SHC4: variants seen among roughly 807,000 people sequenced by gnomAD.
The protein encoded by SHC4 is SHC-transforming protein 4.
Under a neutral mutation model 69.4 loss-of-function variants are expected in SHC4, and 41 were observed. The ratio of observed to expected loss-of-function variants is 0.59; its 90% confidence interval spans 0.46 to 0.77. The LOEUF (loss-of-function observed/expected upper bound fraction) is 0.77, where lower values mean the gene tolerates loss of function less well. Among genes scored for constraint, SHC4 ranks in the 30% least tolerant of loss-of-function variants. The probability of loss-of-function intolerance (pLI) is 0.00; values close to 1 mark genes in which losing one functional copy is unlikely to be tolerated. For synonymous variants in SHC4, 318 were observed against 299.3 expected (o/e 1.06, Z -0.64); for missense variants, 777 against 783.8 (o/e 0.99, Z 0.10).
At chr15:48,907,415 GT>G (rs895563656) in intron 2 of SHC4, among the ~76,000 whole-genome samples, 9 of 150,128 alleles carry the variant, frequency 6.0e-5, no homozygotes, top group South Asian at 2.1e-4. Flanking sequence ...TGAAGTCTGT[GT>G]TTTTTTTTCC....
At chr15:48,863,616 G>A (rs768169285) in intron 6 of SHC4, among the ~76,000 whole-genome samples, 1 of 152,128 alleles carries the variant, frequency 6.6e-6, no homozygotes, top group Non-Finnish European at 1.5e-5. Flanking sequence ...TGATGCAAAT[G>A]ATCAAATTGC....
Position 48,962,462 on chromosome 15 carries a change from A to G in SHC4, c.554T>C (p.Leu185Pro), listed in dbSNP as rs771562572. The G allele has an allele frequency of 3.3e-6, 5 of 1,525,360 alleles. No individual in the cohort carries two copies. Among genetic ancestry groups the G allele is most frequent in the South Asian group, 1.3e-5 (1 of 75,894 alleles). The allele number at this position is 1,525,360 out of a possible 1,614,324, so 94.5% of individuals were successfully genotyped here. A position where few individuals can be genotyped will look rare whatever the true frequency, so the allele number is the denominator to read the frequency against. The change falls in exon 1 of 12, where the codon CTG (leucine) becomes CCG (proline). Residue 185 changes from leucine (L) to proline (P), a missense_variant. Leu to Pro is a moderately conservative substitution (Grantham distance 98). Transcript: ENST00000332408. The part of the protein sequence containing the change: ...SRQDRHFLQH[L>P]LGMGMNYCVR... ...ACAGTAGTTCATGCCCATCCCCAAC[A>G]GGTGCTGTAGAAAGTGCCTGTCCTG... is the stretch of plus-strand genomic sequence containing the variant.
At chr15:48,920,168 C>T (rs765335545) in intron 2 of SHC4, among the ~76,000 whole-genome samples, 49 of 148,710 alleles carry the variant, frequency 3.3e-4, no homozygotes, top group Non-Finnish European at 6.4e-4. Context: ...GCACCTGCCA[C>T]CACGCCTGGC....
Position 48,962,792 on chromosome 15 carries a change from G to A in SHC4, c.224C>T (p.Pro75Leu), listed in dbSNP as rs768069155. The A allele has an allele frequency of 4.3e-6, 7 of 1,612,426 alleles. No homozygotes were observed. The highest frequency in any genetic ancestry group is 2.2e-5 in the East Asian group (1 of 44,856). The change falls in exon 1 of 12, where the codon CCG (proline) becomes CTG (leucine). Residue 75 changes from proline (P) to leucine (L), a missense_variant. Coordinates refer to ENST00000332408, the MANE Select transcript of SHC4 (RefSeq NM_203349.4). ...CAGTGGGGTGGGGCTCTCCTGCGACGGCAAGGTGGCATCTTCAGTCGGCAG... is the reference window on the plus strand; with the variant it reads ...CAGTGGGGTGGGGCTCTCCTGCGACAGCAAGGTGGCATCTTCAGTCGGCAG... ...PHLPTEDATL[P>L]SQESPTPLCT...
At chr15:48,942,187 C>A (rs1257275807) in intron 1 of SHC4, among the ~76,000 whole-genome samples, 2 of 151,312 alleles carry the variant, frequency 1.3e-5, no homozygotes, top group African/African-American at 4.8e-5. Context: ...TTTAAAAAAA[C>A]AAAAACCCTA....
intron 2 of SHC4, among the ~76,000 whole-genome samples, chr15:48,897,265 A>T (rs890196382): frequency 1.2e-4 from 19 of 152,168 alleles, no homozygotes; most frequent in African/African-American, 4.6e-4. Context: ...ATGAGAGAGA[A>T]GGGGAGAAGT....
chr15:48,923,544 C>CA (rs3075016), intron 2 of SHC4, among the ~76,000 whole-genome samples: 343 of 92,980 alleles, frequency 3.7e-3, no homozygotes, highest in African/African-American at 0.014. Context: ...GACTCTGTCT[C>CA]AAAAAAAAAA....
At chr15:48,917,828 G>A (rs947861741) in intron 2 of SHC4, among the ~76,000 whole-genome samples, 6 of 152,138 alleles carry the variant, frequency 3.9e-5, no homozygotes, top group African/African-American at 1.4e-4. Flanking sequence ...TGTGGATTCA[G>A]CCCTCAAATG....
At chr15:48,897,125 T>A (rs763299850) in intron 2 of SHC4, among the ~76,000 whole-genome samples, 13 of 152,170 alleles carry the variant, frequency 8.5e-5, no homozygotes. Flanking sequence ...TCAGCAAGTG[T>A]CTGCTCTTAG....
chr15:48,878,701 C>T (rs756664968), intron 4 of SHC4: 4 of 1,613,702 alleles, frequency 2.5e-6, no homozygotes, highest in African/African-American at 2.7e-5. Flanking sequence ...ATCGTCTGAC[C>T]GAAGAACTCG....
At chr15:48,832,580 G>A (rs534038238) in intron 11 of SHC4, among the ~76,000 whole-genome samples, 1 of 152,180 alleles carries the variant, frequency 6.6e-6, no homozygotes, top group Admixed American at 6.5e-5. Context: ...TCACTTACTT[G>A]GGAAGATTCA....
chr15:48,843,972 CAT>C (rs1196051073), intron 9 of SHC4, among the ~76,000 whole-genome samples: 5 of 152,228 alleles, frequency 3.3e-5, no homozygotes, highest in African/African-American at 7.2e-5. Context: ...GGAAAACACA[CAT>C]GTCATATTGA....
At chr15:48,903,195 G>A (rs1900346593) in intron 2 of SHC4, among the ~76,000 whole-genome samples, 1 of 152,164 alleles carries the variant, frequency 6.6e-6, no homozygotes, top group African/African-American at 2.4e-5. Flanking sequence ...TACTCTACAA[G>A]GCATTTCTCA....
intron 6 of SHC4, among the ~76,000 whole-genome samples, chr15:48,859,341 G>A (rs1185950900): frequency 1.3e-5 from 2 of 149,750 alleles, no homozygotes; most frequent in African/African-American, 4.9e-5. Flanking sequence ...GTGTGTGTGT[G>A]TGATGGTGGT....
chr15:48,953,657 G>A (rs1901400127), intron 1 of SHC4, among the ~76,000 whole-genome samples: 1 of 152,168 alleles, frequency 6.6e-6, no homozygotes, highest in Admixed American at 6.5e-5. Context: ...AGAATGTGAT[G>A]TTATGTTCCT....
chr15:48,872,059 T>C (rs1206864820), intron 5 of SHC4, 30 bp downstream of exon 5: 39 of 1,445,886 alleles, frequency 2.7e-5, no homozygotes, highest in South Asian at 1.1e-4. Context: ...TTTTAACTCA[T>C]AAAAAGAACT....
At chr15:48,829,580 T>G (rs1353770796) in intron 11 of SHC4, among the ~76,000 whole-genome samples, 2 of 152,202 alleles carry the variant, frequency 1.3e-5, no homozygotes, top group African/African-American at 4.8e-5. Context: ...TCATGGAATA[T>G]CTTTTTCTAA....
intron 1 of SHC4, among the ~76,000 whole-genome samples, chr15:48,957,670 G>A (rs1240663713): frequency 6.6e-6 from 1 of 152,186 alleles, no homozygotes; most frequent in Non-Finnish European, 1.5e-5. Flanking sequence ...AATGCTCTTG[G>A]GGACTGTTTT....
At chr15:48,934,129 AG>A (rs780844115) in intron 1 of SHC4, among the ~76,000 whole-genome samples, 69 of 152,296 alleles carry the variant, frequency 4.5e-4, no homozygotes, top group Non-Finnish European at 6.3e-4. Flanking sequence ...AATGACACTA[AG>A]AAGAAAGTGA....
Sources: allele counts gnomAD v4.1 joint callset (sites outside exome capture counted in the v4.1 genomes callset), GRCh38; gene constraint gnomAD v4.1.1; transcripts MANE v1.5; gene names NCBI Gene and HGNC (gene_info 2026-07-23, HGNC 2026-07-21).